Variants in PPM1H observed in about 807,000 individuals in gnomAD.
PPM1H encodes the protein protein phosphatase, Mg2+/Mn2+ dependent 1H.
PPM1H carries 27 observed loss-of-function variants against 54.9 expected under a neutral mutation model. That is an observed-to-expected ratio of 0.49 (90% CI 0.36 to 0.68). The LOEUF (loss-of-function observed/expected upper bound fraction) is 0.68, where lower values mean the gene tolerates loss of function less well. Ranked by LOEUF, PPM1H falls within the 30% of genes least tolerant of loss-of-function variation. The pLI, the probability that PPM1H is intolerant of heterozygous loss-of-function variation, is 0.00. For missense variants in PPM1H, 596 were observed against 667.8 expected, an observed-to-expected ratio of 0.89 and a Z score of 1.19; for synonymous variants, 305 against 270.8, an observed-to-expected ratio of 1.13 and a Z score of -1.24.
intron 5 of PPM1H, among the ~76,000 whole-genome samples, chr12:62,731,995 C>A (rs1206251146): frequency 6.6e-6 from 1 of 152,184 alleles, no homozygotes. Context: ...TGAGCCTTGA[C>A]TCCACCAAAA....
intron 6 of PPM1H, among the ~76,000 whole-genome samples, chr12:62,705,079 G>A (rs2076165588): frequency 6.6e-6 from 1 of 152,212 alleles, no homozygotes; most frequent in Admixed American, 6.5e-5. Context: ...GGTTTCACCG[G>A]TGGTAAGAAA....
chr12:62,699,386 C>A (rs1249945086), intron 6 of PPM1H, among the ~76,000 whole-genome samples: 2 of 151,892 alleles, frequency 1.3e-5, no homozygotes, highest in African/African-American at 4.8e-5. Context: ...TTAGTAGAAA[C>A]GGGATTTCAC....
chr12:62,921,518 T>C (rs1046238266), intron 1 of PPM1H, among the ~76,000 whole-genome samples: 3 of 152,152 alleles, frequency 2.0e-5, no homozygotes, highest in African/African-American at 7.2e-5. Flanking sequence ...ACACTCAAGA[T>C]GGCCACCGCA....
At chr12:62,853,633 A>C (rs935649345) in intron 1 of PPM1H, among the ~76,000 whole-genome samples, 1 of 152,218 alleles carries the variant, frequency 6.6e-6, no homozygotes, top group Non-Finnish European at 1.5e-5. Context: ...TCCGTCATCC[A>C]AAGGCCAACA....
At chr12:62,730,105 C>G (rs754932869) in intron 5 of PPM1H, among the ~76,000 whole-genome samples, 1 of 152,084 alleles carries the variant, frequency 6.6e-6, no homozygotes, top group Non-Finnish European at 1.5e-5. Flanking sequence ...CTGTAATTTT[C>G]CTTTACCTAC....
chr12:62,659,146 C>T, intron 9 of PPM1H: 1 of 733,990 alleles, frequency 1.4e-6, no homozygotes, highest in South Asian at 1.3e-5. Flanking sequence ...AACTGCAAAG[C>T]CGTTGTGGAA....
intron 8 of PPM1H, among the ~76,000 whole-genome samples, chr12:62,673,727 T>C (rs2075969981): frequency 8.1e-6 from 1 of 123,938 alleles, no homozygotes; most frequent in African/African-American, 2.9e-5. Flanking sequence ...TTTTTTTTTT[T>C]TTTTTTTTTT....
At chr12:62,753,288 A>C (rs962784660) in intron 4 of PPM1H, among the ~76,000 whole-genome samples, 1 of 152,216 alleles carries the variant, frequency 6.6e-6, no homozygotes, top group African/African-American at 2.4e-5. Flanking sequence ...AACATTTCCT[A>C]TGGAACCCAC....
chr12:62,834,566 C>A (rs1021304037), intron 1 of PPM1H, among the ~76,000 whole-genome samples: 3 of 152,174 alleles, frequency 2.0e-5, no homozygotes, highest in Non-Finnish European at 2.9e-5. Flanking sequence ...CAGGCAAGGT[C>A]TGGTCCAGGC....
In PPM1H at chr12:62,771,045, GACACACAC is replaced by G. The variant is rs71086630; in HGVS notation, c.869+17173_869+17180del. Among the ~76,000 whole-genome samples, 1,139 of 129,482 alleles carry G rather than the reference GACACACAC, an allele frequency of 8.8e-3. 3 individuals carry two copies. The highest frequency in any genetic ancestry group is 0.011 in the Non-Finnish European group (701 of 62,522). The allele number at this position is 129,482 out of a possible 152,430, so 84.9% of individuals were successfully genotyped here. ...CTAAGTCTTGCAGGAAAAAGAAAAA[GACACACAC>G]ACACACACACACACACACACACACA... On this transcript the variant is annotated intron_variant, in intron 4 of 9. Coordinates refer to ENST00000228705, the MANE Select transcript of PPM1H (RefSeq NM_020700.2).
chr12:62,820,637 T>A (rs750649447), intron 2 of PPM1H, among the ~76,000 whole-genome samples: 1 of 151,924 alleles, frequency 6.6e-6, no homozygotes, highest in Non-Finnish European at 1.5e-5. Flanking sequence ...GGGTCTGGAG[T>A]GGAACTCCAG....
At chr12:62,817,323 G>A (rs1393645868) in intron 2 of PPM1H, among the ~76,000 whole-genome samples, 9 of 151,476 alleles carry the variant, frequency 5.9e-5, no homozygotes, top group Non-Finnish European at 1.3e-4. Context: ...TTAGCCGGGC[G>A]TGGTGGCGGG....
chr12:62,917,011 A>T (rs1871647161), intron 1 of PPM1H, among the ~76,000 whole-genome samples: 1 of 152,212 alleles, frequency 6.6e-6, no homozygotes, highest in African/African-American at 2.4e-5. Flanking sequence ...GAACATTATG[A>T]AAATGTCTTG....
rs528201577 is a variant in PPM1H, at chr12:62,691,287, C to T, written c.1138-1481G>A. ...CCGGTGTAGTGAAATGGTTCAAAGA[C>T]CTGAGCTTGAATCCTCACTCTATTA... On this transcript the variant is annotated intron_variant, in intron 7 of 9. Coordinates refer to ENST00000228705, the MANE Select transcript of PPM1H (RefSeq NM_020700.2). 6.6e-5 allele frequency among the ~76,000 whole-genome samples: 10 copies of T among 152,250 alleles called. No individual in the cohort carries two copies. The South Asian group carries it at 1.2e-3, about 19-fold the overall frequency.
At chr12:62,691,519 G>A (rs2076082749) in intron 7 of PPM1H, among the ~76,000 whole-genome samples, 1 of 152,128 alleles carries the variant, frequency 6.6e-6, no homozygotes, top group Non-Finnish European at 1.5e-5. Context: ...GCAAGGGTCA[G>A]AGGGGATAAA....
In PPM1H at chr12:62,934,819, G is replaced by A; in HGVS notation, c.-83C>T. On this transcript the variant is annotated 5_prime_UTR_variant, in exon 1 of 10. Transcript: ENST00000228705. The surrounding 1 kb of genome is among the most constrained non-coding windows in gnomAD (Gnocchi z 4.2). ...GCGCAGCGCGGGGCATGCAGGCTGC[G>A]GTGGGCGCCGGGCGCACGGCGAGTC... The A allele has an allele frequency of 1.6e-6, 2 of 1,244,792 alleles. No individual in the cohort carries two copies. The highest frequency in any genetic ancestry group is 4.3e-5 in the Admixed American group (1 of 23,344). The allele number at this position is 1,244,792 out of a possible 1,614,324, so 77.1% of individuals were successfully genotyped here.
At chr12:62,676,382 G>A (rs1349675569) in intron 8 of PPM1H, among the ~76,000 whole-genome samples, 1 of 152,204 alleles carries the variant, frequency 6.6e-6, no homozygotes, top group Non-Finnish European at 1.5e-5. Flanking sequence ...GTGCTCCATG[G>A]AGCTGGTGGG....
At chr12:62,737,434 T>C (rs2076356858) in intron 5 of PPM1H, 68 bp downstream of exon 5, 2 of 1,108,234 alleles carry the variant, frequency 1.8e-6, no homozygotes, top group African/African-American at 1.6e-5. Context: ...TAGCAACGTG[T>C]TCCTCCAGAA....
intron 4 of PPM1H, among the ~76,000 whole-genome samples, chr12:62,785,082 T>C (rs2076662806): frequency 6.6e-6 from 1 of 152,250 alleles, no homozygotes; most frequent in South Asian, 2.1e-4. Flanking sequence ...TTAGAGATAC[T>C]GCTTTTTTGA....
Sources: gnomAD v4.1 joint callset for allele counts (sites outside exome capture counted in the v4.1 genomes callset) on GRCh38, gnomAD v4.1.1 for gene constraint, Gnocchi (gnomAD v3.1) non-coding constraint, MANE v1.5 for transcripts, NCBI Gene and HGNC (gene_info 2026-07-23, HGNC 2026-07-21) for gene names.